The following ZC3H12C variants were observed in gnomAD, a reference collection of about 807,000 sequenced individuals.
The protein encoded by ZC3H12C is zinc finger CCCH-type containing 12C, also known as probable ribonuclease ZC3H12C.
In ZC3H12C, 20 loss-of-function variants were observed where a neutral mutation model predicts 76.3. The ratio of observed to expected loss-of-function variants is 0.26; its 90% CI spans 0.18 to 0.38. The LOEUF (loss-of-function observed/expected upper bound fraction) is 0.38, where lower values mean the gene tolerates loss of function less well. Among genes scored for constraint, ZC3H12C ranks in the 10% least tolerant of loss-of-function variants. The pLI, the probability that ZC3H12C is intolerant of heterozygous loss-of-function variation, is 1.00. For synonymous variants in ZC3H12C, 352 were observed against 399.6 expected (o/e 0.88, Z 1.42); for missense variants, 874 against 1,086.5 (o/e 0.80, Z 2.75).
At chr11:110,118,856 A>G (rs770076934) in intron 1 of ZC3H12C, among the ~76,000 whole-genome samples, 4 of 142,618 alleles carry the variant, frequency 2.8e-5, no homozygotes, top group Non-Finnish European at 4.5e-5. Flanking sequence ...CCCCGTAAAG[A>G]AATCTAGGGA....
chr11:110,141,835 A>G (rs1862072294), intron 2 of ZC3H12C, among the ~76,000 whole-genome samples: 1 of 152,234 alleles, frequency 6.6e-6, no homozygotes, highest in Non-Finnish European at 1.5e-5. Context: ...AAAGAATTTG[A>G]TATATTGAGT....
In ZC3H12C at chr11:110,170,315, A is replaced by G; in HGVS notation, c.*4578A>G. 1 of 152,214 alleles carries G rather than the reference A, an allele frequency of 6.6e-6. No individual in the cohort carries two copies. The highest frequency in any genetic ancestry group is 1.9e-4 in the East Asian group (1 of 5,204). 9.4% of individuals were successfully genotyped at this position (152,214 alleles called of 1,614,324 possible). On this transcript the variant is annotated 3_prime_UTR_variant, in exon 6 of 6. Transcript: ENST00000278590. The stretch of plus-strand genomic sequence containing the variant: ...CAACCTTTTGTTTTTTAAAAGTCTC[A>G]TAGACCAAAAAAAATCTGTTGCAGC...
At chr11:110,131,319 T>G (rs183133411) in intron 1 of ZC3H12C, 25 of 554,114 alleles carry the variant, frequency 4.5e-5, no homozygotes, top group Admixed American at 1.3e-4. Flanking sequence ...AAATAATTAC[T>G]TAGAGCTTCA....
chr11:110,128,498 C>T (rs530737252), intron 1 of ZC3H12C, among the ~76,000 whole-genome samples: 7 of 152,214 alleles, frequency 4.6e-5, no homozygotes, highest in African/African-American at 1.7e-4. Flanking sequence ...GCAGATTCCT[C>T]CTCCTCCTAA....
chr11:110,121,827 A>G (rs1861655578), intron 1 of ZC3H12C, among the ~76,000 whole-genome samples: 1 of 152,200 alleles, frequency 6.6e-6, no homozygotes, highest in African/African-American at 2.4e-5. Context: ...CTTGGGTCAT[A>G]GTGGGTTTGC....
At chr11:110,112,106 A>G (rs1349871259) in intron 1 of ZC3H12C, among the ~76,000 whole-genome samples, 1 of 152,234 alleles carries the variant, frequency 6.6e-6, no homozygotes, top group African/African-American at 2.4e-5. Context: ...CATTGTATTT[A>G]CATCCCCTCC....
intron 1 of ZC3H12C, among the ~76,000 whole-genome samples, chr11:110,105,293 A>G (rs1289207897): frequency 3.3e-5 from 5 of 152,150 alleles, no homozygotes; most frequent in Admixed American, 3.3e-4. Context: ...TGGATACTTT[A>G]TGCAATTTTG....
At position 110,170,929 on chromosome 11, in the gene ZC3H12C, T is replaced by C. The variant is rs1283603861; in HGVS notation, c.*5192T>C. 2 of 152,246 alleles carry C rather than the reference T, an allele frequency of 1.3e-5. No individual in the cohort carries two copies. Among genetic ancestry groups the C allele is most frequent in the Admixed American group, 6.5e-5 (1 of 15,284 alleles). 9.4% of individuals were successfully genotyped at this position (152,246 alleles called of 1,614,324 possible). A position where few individuals can be genotyped will look rare whatever the true frequency, so the allele number is the denominator to read the frequency against. On this transcript the variant is annotated 3_prime_UTR_variant, in exon 6 of 6. Coordinates refer to ENST00000278590, the MANE Select transcript of ZC3H12C (RefSeq NM_033390.2). ...TACTCCTGTTGCAGTGTTACTGTTA[T>C]GTATTAGAAGTGGCTTTTCCCCCTA...
chr11:110,106,413 A>G (rs989426740), intron 1 of ZC3H12C, among the ~76,000 whole-genome samples: 2 of 152,230 alleles, frequency 1.3e-5, no homozygotes, highest in Non-Finnish European at 2.9e-5. Flanking sequence ...AAGAATGGGC[A>G]TAACAGTGCT....
chr11:110,116,769 T>C (rs1861534103), intron 1 of ZC3H12C, among the ~76,000 whole-genome samples: 1 of 152,202 alleles, frequency 6.6e-6, no homozygotes, highest in South Asian at 2.1e-4. Flanking sequence ...AACCCTATGC[T>C]GTTAGTGGTA....
intron 1 of ZC3H12C, among the ~76,000 whole-genome samples, chr11:110,105,706 G>A (rs1305300423): frequency 1.3e-5 from 2 of 151,852 alleles, no homozygotes; most frequent in Non-Finnish European, 2.9e-5. Flanking sequence ...AAAAGTGTAT[G>A]CATATATAGT....
intron 1 of ZC3H12C, among the ~76,000 whole-genome samples, chr11:110,134,669 A>T (rs683566): frequency 0.43 from 65,948 of 152,020 alleles, 14,631 homozygotes; most frequent in East Asian, 0.58. Flanking sequence ...AATGAAGCAG[A>T]TGTATACAGA....
intron 1 of ZC3H12C, among the ~76,000 whole-genome samples, chr11:110,105,702 G>A (rs1252469836): frequency 6.6e-6 from 1 of 151,910 alleles, no homozygotes; most frequent in African/African-American, 2.4e-5. Context: ...TTTTAAAAGT[G>A]TATGCATATA....
chr11:110,148,350 A>T (rs549581315), intron 2 of ZC3H12C, among the ~76,000 whole-genome samples: 3 of 152,298 alleles, frequency 2.0e-5, no homozygotes, highest in South Asian at 2.1e-4. Context: ...TTTTATTTTT[A>T]AAAGAGAGAC....
chr11:110,122,863 T>A lies in ZC3H12C; in HGVS notation c.22-13800T>A, dbSNP rs867165467. On this transcript the variant is annotated intron_variant, in intron 1 of 5. Transcript: ENST00000278590. ...ATGGGTTTGTCAAGACATAACCCCA[T>A]TGTAAATCAAGGTGTATCTATACTA... is the stretch of plus-strand genomic sequence containing the variant. Among the ~76,000 whole-genome samples the A allele has an allele frequency of 1.4e-4, 21 of 152,292 alleles. 1 individual carries two copies. Among genetic ancestry groups the A allele is most frequent in the Middle Eastern group, 3.4e-3 (1 of 294 alleles).
intron 2 of ZC3H12C, among the ~76,000 whole-genome samples, chr11:110,151,505 G>A (rs1388852345): frequency 1.3e-5 from 2 of 152,188 alleles, no homozygotes; most frequent in South Asian, 2.1e-4. Flanking sequence ...TAAAATTTTA[G>A]TGAGGTTTTA....
chr11:110,112,996 C>T (rs917888159), intron 1 of ZC3H12C, among the ~76,000 whole-genome samples: 1 of 77,256 alleles, frequency 1.3e-5, no homozygotes. Flanking sequence ...TTATCGCCCC[C>T]CCCTACCAAA....
chr11:110,156,012 G>GT (rs1305205623), intron 3 of ZC3H12C, among the ~76,000 whole-genome samples: 4 of 152,152 alleles, frequency 2.6e-5, no homozygotes, highest in Non-Finnish European at 5.9e-5. Flanking sequence ...AGTACACTGT[G>GT]TAAGTGTGTC....
At chr11:110,095,399 T>C (rs1374607881) in intron 1 of ZC3H12C, among the ~76,000 whole-genome samples, 1 of 152,262 alleles carries the variant, frequency 6.6e-6, no homozygotes, top group African/African-American at 2.4e-5. Flanking sequence ...CTTCTTAGTG[T>C]GTTTCATTGT....
Sources: allele counts gnomAD v4.1 joint callset (sites outside exome capture counted in the v4.1 genomes callset), GRCh38; gene constraint gnomAD v4.1.1; transcripts MANE v1.5; gene names NCBI Gene and HGNC (gene_info 2026-07-23, HGNC 2026-07-21).